Variants in LRRC4C observed in about 807,000 individuals in gnomAD.
The protein encoded by LRRC4C is leucine rich repeat containing 4C, also known as leucine-rich repeat-containing protein 4C.
Under a neutral mutation model 33.6 loss-of-function variants are expected in LRRC4C, and 5 were observed. The ratio of observed to expected loss-of-function variants is 0.15; its 90% CI spans 0.08 to 0.31. The LOEUF is 0.31. Among genes scored for constraint, LRRC4C ranks in the 10% least tolerant of loss-of-function variants. LRRC4C has a pLI of 1.00. For synonymous variants in LRRC4C, 329 were observed against 302.0 expected (o/e 1.09, Z -0.93); for missense variants, 560 against 796.7 (o/e 0.70, Z 3.58).
rs35155268 is a variant in LRRC4C at position 40,214,143 on chromosome 11, C to T, written c.-96+27376G>A. On this transcript the variant is annotated intron_variant, in intron 5 of 6. Coordinates refer to ENST00000528697, the MANE Select transcript of LRRC4C (RefSeq NM_001258419.2). ...ACCTGCCATGTTAGCTTCTGATTAA[C>T]CGCAGTTCTGGGAAGGCCTTTGAAA... Among the ~76,000 whole-genome samples, 854 of 152,266 alleles carry T rather than the reference C, an allele frequency of 5.6e-3. 11 individuals carry two copies. The highest frequency in any genetic ancestry group is 8.7e-3 in the Non-Finnish European group (593 of 68,028).
chr11:40,575,273 G>A (rs181151908), intron 3 of LRRC4C, among the ~76,000 whole-genome samples: 2 of 152,218 alleles, frequency 1.3e-5, no homozygotes, highest in East Asian at 3.9e-4. Flanking sequence ...TAGTTTTGCT[G>A]CCTACATTCT....
At chr11:40,894,000 C>G (rs1318800197) in intron 2 of LRRC4C, among the ~76,000 whole-genome samples, 2 of 152,090 alleles carry the variant, frequency 1.3e-5, no homozygotes, top group African/African-American at 2.4e-5. Flanking sequence ...ACCCCAAGAT[C>G]ATAAACCTGC....
intron 1 of LRRC4C, among the ~76,000 whole-genome samples, chr11:41,127,847 T>C (rs903221382): frequency 3.3e-5 from 5 of 152,100 alleles, no homozygotes; most frequent in Non-Finnish European, 7.4e-5. Flanking sequence ...AAGACAGACG[T>C]GCATTGTGAA....
At chr11:40,659,844 A>G (rs968738934) in intron 2 of LRRC4C, among the ~76,000 whole-genome samples, 9 of 152,104 alleles carry the variant, frequency 5.9e-5, no homozygotes, top group South Asian at 4.1e-4. Flanking sequence ...CACCTTGCTC[A>G]CCCTCCAGTT....
chr11:40,675,217 G>C (rs1031793536), intron 2 of LRRC4C, among the ~76,000 whole-genome samples: 1 of 152,136 alleles, frequency 6.6e-6, no homozygotes, highest in Non-Finnish European at 1.5e-5. Flanking sequence ...GGGCGGAAAA[G>C]CCAAGTTGCA....
chr11:41,066,652 G>A (rs1200011411), intron 1 of LRRC4C, among the ~76,000 whole-genome samples: 1 of 152,120 alleles, frequency 6.6e-6, no homozygotes, highest in Non-Finnish European at 1.5e-5. Flanking sequence ...AAATGTTAAT[G>A]GCAGCCAGAG....
At chr11:40,696,227 A>G (rs1177008331) in intron 2 of LRRC4C, among the ~76,000 whole-genome samples, 2 of 142,206 alleles carry the variant, frequency 1.4e-5, no homozygotes, top group African/African-American at 5.3e-5. Context: ...GAATTAGCCA[A>G]CAACTTCAAG....
chr11:40,801,242 T>C (rs1951029237), intron 2 of LRRC4C, among the ~76,000 whole-genome samples: 1 of 152,190 alleles, frequency 6.6e-6, no homozygotes, highest in African/African-American at 2.4e-5. Flanking sequence ...AGAAAAATTT[T>C]ATCTATTTTC....
Position 41,369,876 on chromosome 11 carries a change from A to G in LRRC4C, c.-496+89555T>C, listed in dbSNP as rs533480695. Among the ~76,000 whole-genome samples, 14 of 152,300 alleles carry G rather than the reference A, an allele frequency of 9.2e-5. No homozygotes were observed. The East Asian group carries it at 1.4e-3, about 15-fold the overall frequency. On this transcript the variant is annotated intron_variant, in intron 1 of 6. Transcript: ENST00000528697. ...AGGATGGATTTGCATGATGACAAGGACTAGGTACAAGGAGACTAATTAAGA... is the reference window on the plus strand; with the variant it reads ...AGGATGGATTTGCATGATGACAAGGGCTAGGTACAAGGAGACTAATTAAGA...
chr11:40,314,559 A>C (rs1945481523), intron 4 of LRRC4C, among the ~76,000 whole-genome samples: 1 of 152,156 alleles, frequency 6.6e-6, no homozygotes, highest in African/African-American at 2.4e-5. Context: ...ATTTATCCAA[A>C]GGAGAGGAAA....
At chr11:40,915,162 C>A (rs1956892067) in intron 2 of LRRC4C, among the ~76,000 whole-genome samples, 1 of 152,040 alleles carries the variant, frequency 6.6e-6, no homozygotes, top group Non-Finnish European at 1.5e-5. Flanking sequence ...ATCAAGCTAC[C>A]AATGACTTTC....
chr11:41,240,768 G>A (rs1948218927), intron 1 of LRRC4C, among the ~76,000 whole-genome samples: 1 of 152,112 alleles, frequency 6.6e-6, no homozygotes, highest in Non-Finnish European at 1.5e-5. Context: ...GATATGCGTG[G>A]TGTGATTGTT....
intron 1 of LRRC4C, among the ~76,000 whole-genome samples, chr11:41,376,723 A>G (rs907599663): frequency 6.6e-6 from 1 of 152,192 alleles, no homozygotes; most frequent in Non-Finnish European, 1.5e-5. Context: ...AATATACACA[A>G]TATACTGACA....
At chr11:40,816,760 C>A (rs1308277879) in intron 2 of LRRC4C, among the ~76,000 whole-genome samples, 1 of 152,188 alleles carries the variant, frequency 6.6e-6, no homozygotes, top group Non-Finnish European at 1.5e-5. Context: ...TAGAAAACAA[C>A]TTTTAAATAA....
chr11:40,964,708 T>C (rs1295087887), intron 1 of LRRC4C, among the ~76,000 whole-genome samples: 1 of 151,988 alleles, frequency 6.6e-6, no homozygotes, highest in Non-Finnish European at 1.5e-5. Flanking sequence ...ACTCATCCTT[T>C]TTTATGGCTG....
chr11:40,686,172 TC>T (rs1944944832), intron 2 of LRRC4C, among the ~76,000 whole-genome samples: 1 of 152,080 alleles, frequency 6.6e-6, no homozygotes, highest in Non-Finnish European at 1.5e-5. Context: ...TCATGACCTT[TC>T]TAAGTCTCAG....
rs58754144 is a variant in LRRC4C, at chr11:41,021,293, TA to T, written c.-495-87571del. 2.8e-3 allele frequency among the ~76,000 whole-genome samples: 402 copies of T among 144,890 alleles called. 5 individuals carry two copies. The highest frequency in any genetic ancestry group is 9.0e-3 in the African/African-American group (348 of 38,882). Reference sequence around the variant, plus strand: ...TCCTGAAAAGAAAATCTCCAAGAAATAAAAAAAAAAAAGCTGATCCTGGAGA... The same window carrying T: ...TCCTGAAAAGAAAATCTCCAAGAAATAAAAAAAAAAAGCTGATCCTGGAGA... On this transcript the variant is annotated intron_variant, in intron 1 of 6. Coordinates refer to ENST00000528697, the MANE Select transcript of LRRC4C (RefSeq NM_001258419.2).
At chr11:40,859,383 T>C (rs1047474640) in intron 2 of LRRC4C, among the ~76,000 whole-genome samples, 2 of 152,156 alleles carry the variant, frequency 1.3e-5, no homozygotes, top group Non-Finnish European at 2.9e-5. Context: ...CGTAGACTTA[T>C]GTATTGTATA....
intron 2 of LRRC4C, among the ~76,000 whole-genome samples, chr11:40,760,360 C>G (rs551947251): frequency 1.3e-5 from 2 of 149,536 alleles, no homozygotes; most frequent in African/African-American, 4.9e-5. Flanking sequence ...GCAGTTGCAA[C>G]GGAGACCATA....
Sources: allele counts gnomAD v4.1 joint callset (sites outside exome capture counted in the v4.1 genomes callset), GRCh38; gene constraint gnomAD v4.1.1; transcripts MANE v1.5; gene names NCBI Gene and HGNC (gene_info 2026-07-23, HGNC 2026-07-21).